UBA6: variants seen among roughly 807,000 people sequenced by gnomAD.
UBA6 encodes the protein ubiquitin-like modifier-activating enzyme 6.
A neutral mutation model predicts 148.3 loss-of-function variants in UBA6; 87 were observed. The ratio of observed to expected loss-of-function variants is 0.59; its 90% CI spans 0.49 to 0.70. The LOEUF (loss-of-function observed/expected upper bound fraction) is 0.70. Among genes scored for constraint, UBA6 ranks in the 30% least tolerant of loss-of-function variants. The pLI is 0.00. For missense variants in UBA6, 1,186 were observed against 1,241.2 expected (o/e 0.96, Z 0.67); for synonymous variants, 376 against 401.0 (o/e 0.94, Z 0.75).
rs769549840 is a variant in UBA6, at chr4:67,645,921, T to A, written c.1395+17A>T. On this transcript the variant is annotated intron_variant, in intron 16 of 32. Transcript: ENST00000322244. ...TAGCAGTTTGAACATACTATTCCCATGATTATTGATACTTACTAAGAAGAT... is the reference window on the plus strand; with the variant it reads ...TAGCAGTTTGAACATACTATTCCCAAGATTATTGATACTTACTAAGAAGAT... 44 of 1,497,272 alleles carry A rather than the reference T, an allele frequency of 2.9e-5. No homozygotes were observed. Among genetic ancestry groups the A allele is most frequent in the South Asian group, 3.6e-5 (3 of 82,652 alleles). The allele number at this position is 1,497,272 out of a possible 1,614,324, so 92.7% of individuals were successfully genotyped here.
At position 67,612,799 on chromosome 4, in the gene UBA6, A is replaced by G. The variant is rs539498372; in HGVS notation, c.*6198T>C. ...ACTTGAAAACATTTAGAAAAGCTGG[A>G]TAAAATATACTTTTCAAAGATGTAG... On this transcript the variant is annotated 3_prime_UTR_variant, in exon 33 of 33. Transcript: ENST00000322244. 6.6e-6 allele frequency: 1 copy of G among 152,210 alleles called. No homozygotes were observed. The highest frequency in any genetic ancestry group is 2.1e-4 in the South Asian group (1 of 4,838). The allele number at this position is 152,210 out of a possible 1,614,324, so 9.4% of individuals were successfully genotyped here.
rs1337099248 is a variant in UBA6 at position 67,620,428 on chromosome 4, A to T, written c.3024-1296T>A. ...ACTCTGTAAAAATTTTCATTATCAC[A>T]GTTATTCAATTATACTTTAATGATT... On this transcript the variant is annotated intron_variant, in intron 32 of 32. Transcript: ENST00000322244. 2.6e-5 allele frequency among the ~76,000 whole-genome samples: 4 copies of T among 152,302 alleles called. No homozygotes were observed. In the East Asian group the frequency reaches 7.7e-4, roughly 29 times the overall value.
At chr4:67,664,906 C>T (rs1447941707) in intron 10 of UBA6, among the ~76,000 whole-genome samples, 1 of 151,986 alleles carries the variant, frequency 6.6e-6, no homozygotes, top group Non-Finnish European at 1.5e-5. Flanking sequence ...TTTGATAATT[C>T]ACAAAGATAC....
intron 2 of UBA6, among the ~76,000 whole-genome samples, chr4:67,683,624 G>A (rs1005173729): frequency 1.3e-5 from 2 of 148,732 alleles, no homozygotes; most frequent in Non-Finnish European, 3.0e-5. Context: ...TGGATTCTAT[G>A]TGTGGTCCAA....
At chr4:67,653,000 A>C (rs1428847121) in intron 13 of UBA6, among the ~76,000 whole-genome samples, 1 of 152,218 alleles carries the variant, frequency 6.6e-6, no homozygotes, top group African/African-American at 2.4e-5. Flanking sequence ...CTGAGGCTTG[A>C]GTAGGTAAAC....
At chr4:67,643,522 T>C (rs1729354746) in intron 17 of UBA6, among the ~76,000 whole-genome samples, 1 of 152,058 alleles carries the variant, frequency 6.6e-6, no homozygotes, top group Admixed American at 6.5e-5. Context: ...CCTGGTGTGG[T>C]ACATGCTCTG....
At chr4:67,685,790 T>G (rs1288175067) in intron 2 of UBA6, among the ~76,000 whole-genome samples, 3 of 152,154 alleles carry the variant, frequency 2.0e-5, no homozygotes, top group Non-Finnish European at 4.4e-5. Flanking sequence ...TGCCCTCTCT[T>G]ACTCTTGCCC....
At chr4:67,663,256 G>C (rs2109933431) in intron 11 of UBA6, 41 bp from the exon 12 acceptor site, 1 of 1,394,758 alleles carries the variant, frequency 7.2e-7, no homozygotes, top group Non-Finnish European at 1.0e-6. Context: ...TTACTGAGTG[G>C]TTGTATGTCC....
intron 1 of UBA6, among the ~76,000 whole-genome samples, chr4:67,698,552 C>T (rs2109964291): frequency 6.6e-6 from 1 of 152,298 alleles, no homozygotes; most frequent in East Asian, 1.9e-4. Context: ...TGCCCAAAGT[C>T]ACAGAGCAGG....
At chr4:67,630,420 C>A in intron 26 of UBA6, 46 bp downstream of exon 26, 1 of 1,290,292 alleles carries the variant, frequency 7.8e-7, no homozygotes, top group South Asian at 1.4e-5. Context: ...TCATCTAATT[C>A]TAATTTGGTT....
rs150874913 is a variant in UBA6 at position 67,625,149 on chromosome 4, C to T, written c.2557G>A (p.Asp853Asn). 20 of 1,611,446 alleles carry T rather than the reference C, an allele frequency of 1.2e-5. No homozygotes were observed. In the African/African-American group the frequency reaches 2.4e-4, roughly 19 times the overall value. The change falls in exon 29 of 33, where the codon GAT (aspartate) becomes AAT (asparagine). Residue 853 changes from aspartate (D) to asparagine (N), a missense_variant. By Grantham distance (23) the Asp-to-Asn change is conservative. Transcript: ENST00000322244. The stretch of plus-strand genomic sequence containing the variant: ...AAATCTATGTGTCCATTATGATCAT[C>T]ATCTTTTTCAAATGAAAGCACTGCC... ...QMAVLSFEKD[D>N]DHNGHIDFIT...
rs1337389237 is a variant in UBA6, at chr4:67,701,102, A to G, written c.18T>C (p.Pro6=). 1 of 1,613,340 alleles carries G rather than the reference A, an allele frequency of 6.2e-7. No homozygotes were observed. The highest frequency in any genetic ancestry group is 1.1e-5 in the South Asian group (1 of 91,072). MEGSE[P]VAAHQGEEAS... is the part of the protein sequence containing the mutation. ...CCTCTTCCCCCTGATGGGCGGCCAC[A>G]GGCTCGGATCCTTCCATTGCCGCCT... The change falls in exon 1 of 33, where the codon CCT becomes CCC. Residue 6 remains proline (P), a synonymous_variant. Coordinates refer to ENST00000322244, the MANE Select transcript of UBA6 (RefSeq NM_018227.6).
chr4:67,656,119 G>A (rs1174512335), intron 13 of UBA6, among the ~76,000 whole-genome samples: 1 of 152,198 alleles, frequency 6.6e-6, no homozygotes, highest in South Asian at 2.1e-4. Context: ...ACAAGGAGGA[G>A]CTGGTACCAT....
chr4:67,640,102 A>C (rs1729267224), intron 18 of UBA6, among the ~76,000 whole-genome samples: 1 of 152,198 alleles, frequency 6.6e-6, no homozygotes, highest in African/African-American at 2.4e-5. Flanking sequence ...ATTCTGTTTA[A>C]ATTCACACAT....
At chr4:67,681,286 T>C (rs1730431513) in intron 4 of UBA6, among the ~76,000 whole-genome samples, 1 of 152,170 alleles carries the variant, frequency 6.6e-6, no homozygotes, top group Non-Finnish European at 1.5e-5. Context: ...GTCTGAAATT[T>C]ACATCAAAAT....
chr4:67,645,135 C>A (rs979482155), intron 16 of UBA6, among the ~76,000 whole-genome samples: 1 of 151,914 alleles, frequency 6.6e-6, no homozygotes, highest in Non-Finnish European at 1.5e-5. Context: ...ATTCCATATG[C>A]ATGTAAAAAG....
At chr4:67,620,471 G>A (rs1728727079) in intron 32 of UBA6, among the ~76,000 whole-genome samples, 1 of 152,056 alleles carries the variant, frequency 6.6e-6, no homozygotes, top group Non-Finnish European at 1.5e-5. Flanking sequence ...CCAGAGGTGA[G>A]ACCTAGCCAG....
chr4:67,662,533 T>C (rs1729887688), intron 12 of UBA6: 3 of 294,224 alleles, frequency 1.0e-5, no homozygotes, highest in Non-Finnish European at 1.9e-5. Context: ...GATGCAATCT[T>C]GGCTCACTGC....
chr4:67,698,900 C>A (rs1967037), intron 1 of UBA6, among the ~76,000 whole-genome samples: 34,871 of 151,878 alleles, frequency 0.23, 4,151 homozygotes, highest in Middle Eastern at 0.3. Flanking sequence ...GAGGAGGCTG[C>A]AGTGAGCCAA....
Sources: allele counts gnomAD v4.1 joint callset (sites outside exome capture counted in the v4.1 genomes callset), GRCh38; gene constraint gnomAD v4.1.1; transcripts MANE v1.5; gene names NCBI Gene and HGNC (gene_info 2026-07-23, HGNC 2026-07-21).